APOL4: variants seen among roughly 807,000 people sequenced by gnomAD.
APOL4 encodes apolipoprotein L, 4.
In APOL4, 14 loss-of-function variants were observed where a neutral mutation model predicts 12.1. That is an observed-to-expected ratio of 1.16 (90% CI 0.76 to 1.81). APOL4 has a LOEUF of 1.81. Ranked by LOEUF, APOL4 falls within the 40% of genes most tolerant of loss-of-function variation. The pLI is 0.00. For synonymous variants in APOL4, 171 were observed against 160.6 expected (o/e 1.06, Z -0.49); for missense variants, 432 against 423.1 (o/e 1.02, Z -0.18).
intron 3 of APOL4, 109 bp from the exon 4 acceptor site, chr22:36,192,021 T>C: frequency 9.4e-7 from 1 of 1,060,250 alleles, no homozygotes; most frequent in South Asian, 1.7e-5. Context: ...ATAAGTCAAA[T>C]GGAAGTAAAG....
chr22:36,193,250 T>A (rs189056457), intron 3 of APOL4, among the ~76,000 whole-genome samples: 1 of 152,330 alleles, frequency 6.6e-6, no homozygotes, highest in Non-Finnish European at 1.5e-5. Context: ...TGGTGTTGGC[T>A]GTGACTCCCC....
At chr22:36,199,045 C>T (rs1044442669) in intron 2 of APOL4, among the ~76,000 whole-genome samples, 2 of 152,198 alleles carry the variant, frequency 1.3e-5, no homozygotes, top group African/African-American at 2.4e-5. Context: ...GGCTGTCCTG[C>T]CCCACTTAAG....
At chr22:36,203,694 C>T (rs1433357251), upstream of APOL4, among the ~76,000 whole-genome samples, 2 of 152,084 alleles carry the variant, frequency 1.3e-5, no homozygotes, top group African/African-American at 2.4e-5. Flanking sequence ...CTAGAAGAGC[C>T]ACGGCAAGAT....
At chr22:36,197,676 A>G (rs1466005913) in intron 2 of APOL4, 1 of 1,550,276 alleles carries the variant, frequency 6.5e-7, no homozygotes, top group Non-Finnish European at 8.7e-7. Context: ...TCGGCCAGTC[A>G]TGAGCAGCCA....
chr22:36,190,910 C>T lies in APOL4; in HGVS notation c.*165G>A, dbSNP rs562861673. 4.5e-4 allele frequency: 291 copies of T among 648,186 alleles called. No individual in the cohort carries two copies. The African/African-American group carries it at 5.0e-3, about 11-fold the overall frequency. 40.2% of individuals were successfully genotyped at this position (648,186 alleles called of 1,614,324 possible). Reference sequence around the variant, plus strand: ...GTGATCAGTGTCCATGAAATCTTCACAATTTGTGTTTAGAGATTGCGGTAA... The same window carrying T: ...GTGATCAGTGTCCATGAAATCTTCATAATTTGTGTTTAGAGATTGCGGTAA... On this transcript the variant is annotated 3_prime_UTR_variant, in exon 4 of 4. Coordinates refer to ENST00000683024, the MANE Select transcript of APOL4 (RefSeq NM_001386885.1).
Position 36,191,623 on chromosome 22 carries a change from T to C in APOL4, c.499A>G (p.Ser167Gly). ...LAPFTAGLSL[S>G]ITAAGVGLGI... The stretch of plus-strand genomic sequence containing the variant: ...AGCCCTACCCCAGCTGCAGTAATGC[T>C]CAGGCTCAGCCCTGCTGTAAATGGT... The change falls in exon 4 of 4, where the codon AGC (serine) becomes GGC (glycine). Residue 167 changes from serine to glycine, a missense_variant. Physicochemically the swap from Ser to Gly is moderately conservative, Grantham distance 56 (BLOSUM62 0). Coordinates refer to ENST00000683024, the MANE Select transcript of APOL4 (RefSeq NM_001386885.1). 3.7e-6 allele frequency: 6 copies of C among 1,613,786 alleles called. No homozygotes were observed. Among genetic ancestry groups the C allele is most frequent in the Non-Finnish European group, 5.1e-6 (6 of 1,179,774 alleles).
At chr22:36,204,654 GAGCAAGATCC>G, upstream of APOL4, 1 of 764,018 alleles carries the variant, frequency 1.3e-6, no homozygotes, top group Admixed American at 2.8e-5. Flanking sequence ...GACAGAGACT[GAGCAAGATCC>G]AGCTGGTCTG....
chr22:36,192,468 T>C (rs1019915716), intron 3 of APOL4, among the ~76,000 whole-genome samples: 6 of 152,218 alleles, frequency 3.9e-5, no homozygotes, highest in African/African-American at 1.2e-4. Flanking sequence ...TTAGTGGCTA[T>C]GTGTTTGATA....
At chr22:36,196,110 G>T (rs2014407405) in intron 2 of APOL4, among the ~76,000 whole-genome samples, 1 of 152,182 alleles carries the variant, frequency 6.6e-6, no homozygotes, top group Non-Finnish European at 1.5e-5. Flanking sequence ...CCATGTACGG[G>T]AAATATTCCA....
chr22:36,202,734 GAAAA>G (rs60167679), upstream of APOL4, among the ~76,000 whole-genome samples: 2 of 143,218 alleles, frequency 1.4e-5, no homozygotes, highest in Admixed American at 6.8e-5. Flanking sequence ...TCAGAAAAAA[GAAAA>G]AAAAAAAAAG....
chr22:36,193,634 T>C (rs1199367946), intron 3 of APOL4, among the ~76,000 whole-genome samples: 2 of 152,196 alleles, frequency 1.3e-5, no homozygotes, highest in Admixed American at 6.5e-5. Context: ...TTGCAACTGG[T>C]GTCAGAAGTA....
chr22:36,189,798 C>T lies in APOL4; in HGVS notation c.*1277G>A. ...CTTATTCCAGGCCCCAGCATTTCTG[C>T]CTTCTCCTTGGCGCACTTGCCATCT... On this transcript the variant is annotated 3_prime_UTR_variant, in exon 4 of 4. Transcript: ENST00000683024. 1 of 153,152 alleles carries T rather than the reference C, an allele frequency of 6.5e-6. No homozygotes were observed. The highest frequency in any genetic ancestry group is 1.5e-5 in the Non-Finnish European group (1 of 68,304). 9.5% of individuals were successfully genotyped at this position (153,152 alleles called of 1,614,324 possible).
At chr22:36,204,590 TA>T, upstream of APOL4, 1 of 377,844 alleles carries the variant, frequency 2.6e-6, no homozygotes, top group South Asian at 4.5e-5. Context: ...ATTGCGAGAA[TA>T]AGGAGATGGA....
upstream of APOL4, among the ~76,000 whole-genome samples, chr22:36,203,805 G>A (rs946053611): frequency 5.3e-5 from 8 of 152,318 alleles, 1 homozygote; most frequent in East Asian, 7.7e-4. Flanking sequence ...CTGTTGGTTC[G>A]TTCTGGCAGT....
intron 3 of APOL4, among the ~76,000 whole-genome samples, chr22:36,193,426 C>G (rs1171900716): frequency 1.3e-5 from 2 of 152,366 alleles, no homozygotes; most frequent in East Asian, 3.8e-4. Context: ...CACATTGACA[C>G]AGGAGAACAC....
chr22:36,202,280 A>C (rs2014606309), upstream of APOL4, among the ~76,000 whole-genome samples: 1 of 151,898 alleles, frequency 6.6e-6, no homozygotes, highest in African/African-American at 2.4e-5. Flanking sequence ...CTAATTTGTT[A>C]ATTTTTGATT....
At chr22:36,203,209 G>A (rs563527712), upstream of APOL4, among the ~76,000 whole-genome samples, 4 of 152,172 alleles carry the variant, frequency 2.6e-5, no homozygotes, top group South Asian at 2.1e-4. Context: ...TAGGCGGATC[G>A]GCAGGTTGAG....
chr22:36,201,769 G>C lies in APOL4; in HGVS notation c.-35C>G. 1 of 1,597,236 alleles carries C rather than the reference G, an allele frequency of 6.3e-7. No homozygotes were observed. Among genetic ancestry groups the C allele is most frequent in the Non-Finnish European group, 8.5e-7 (1 of 1,171,846 alleles). On this transcript the variant is annotated 5_prime_UTR_variant, in exon 1 of 4. In the 5' UTR this introduces an upstream ATG that the reference lacks. Coordinates refer to ENST00000683024, the MANE Select transcript of APOL4 (RefSeq NM_001386885.1). Reference sequence around the variant, plus strand: ...TCATTGTTGGCCTGGCTCAGACGCTGATCTGGGGCCTCTGCTGAATGTTGA... The same window carrying C: ...TCATTGTTGGCCTGGCTCAGACGCTCATCTGGGGCCTCTGCTGAATGTTGA...
rs1174265791 is a variant in APOL4, at chr22:36,191,078, G to A, written c.1044C>T (p.Gly348=). The change falls in exon 4 of 4, where the codon GGC becomes GGT. Residue 348 remains glycine (G), a synonymous_variant. Transcript: ENST00000683024. ...TGACTTCCCGCAACAATTGGGCCTA[G>A]CCTGCTTTTAGACTCTGATGGATAT... is the stretch of plus-strand genomic sequence containing the variant. The part of the protein sequence containing the change: ...LTHIHQSLKA[G] 1.4e-5 allele frequency: 22 copies of A among 1,594,580 alleles called. No homozygotes were observed. Among genetic ancestry groups the A allele is most frequent in the Non-Finnish European group, 1.8e-5 (21 of 1,169,602 alleles).
Sources: gnomAD v4.1 joint callset for allele counts (sites outside exome capture counted in the v4.1 genomes callset) on GRCh38, gnomAD v4.1.1 for gene constraint, MANE v1.5 for transcripts, NCBI Gene and HGNC (gene_info 2026-07-23, HGNC 2026-07-21) for gene names.